DGKB: variants seen among roughly 807,000 people sequenced by gnomAD.
DGKB encodes diacylglycerol kinase beta.
In DGKB, 67 loss-of-function variants were observed where a neutral mutation model predicts 114.3. The observed-to-expected ratio is 0.59, with a 90% CI of 0.48 to 0.72. The LOEUF is 0.72. Ranked by LOEUF, DGKB falls within the 30% of genes least tolerant of loss-of-function variation. The pLI, the probability that DGKB is intolerant of heterozygous loss-of-function variation, is 0.00. For missense variants in DGKB, 907 were observed against 975.2 expected (o/e 0.93, Z 0.93); for synonymous variants, 398 against 323.1 (o/e 1.23, Z -2.49).
intron 21 of DGKB, among the ~76,000 whole-genome samples, chr7:14,410,688 T>C (rs908519684): frequency 1.3e-5 from 2 of 152,030 alleles, no homozygotes; most frequent in African/African-American, 2.4e-5. Flanking sequence ...TTAAAAGAAA[T>C]TTGACAAAAT....
In DGKB at chr7:14,151,920, A is replaced by G. The variant is rs1434710586; in HGVS notation, c.2305-2682T>C. Among the ~76,000 whole-genome samples the G allele has an allele frequency of 3.9e-5, 6 of 152,006 alleles. 1 individual carries two copies. Among genetic ancestry groups the G allele is most frequent in the Non-Finnish European group, 8.8e-5 (6 of 67,986 alleles). ...GCAGAAGCAAAATCCTACGAGAGTA[A>G]TTCCAAGCCACATGGATTGTCGGTG... On this transcript the variant is annotated intron_variant, in intron 25 of 25. Coordinates refer to ENST00000402815, the MANE Select transcript of DGKB (RefSeq NM_001350709.2).
chr7:14,237,220 A>C (rs1052901674), intron 23 of DGKB, among the ~76,000 whole-genome samples: 2 of 152,038 alleles, frequency 1.3e-5, no homozygotes, highest in South Asian at 4.1e-4. Context: ...ATGCATATAT[A>C]TTATTTATGT....
intron 4 of DGKB, among the ~76,000 whole-genome samples, chr7:14,742,718 T>A (rs1173365977): frequency 2.6e-5 from 4 of 152,178 alleles, no homozygotes; most frequent in African/African-American, 9.7e-5. Flanking sequence ...CTTATCAGAT[T>A]TTACATTAAA....
intron 2 of DGKB, among the ~76,000 whole-genome samples, chr7:14,829,519 T>C (rs528680805): frequency 3.0e-4 from 46 of 152,220 alleles, no homozygotes; most frequent in Non-Finnish European, 6.0e-4. Flanking sequence ...TTTTGCGAAA[T>C]GTAGACTCAG....
rs73067820 is a variant in DGKB, at chr7:14,216,250, G to T, written c.2123-38099C>A. Among the ~76,000 whole-genome samples the T allele has an allele frequency of 1.4e-3, 212 of 152,184 alleles. 1 individual carries two copies. The highest frequency in any genetic ancestry group is 2.6e-3 in the Non-Finnish European group (176 of 67,998). On this transcript the variant is annotated intron_variant, in intron 23 of 25. Transcript: ENST00000402815. ...GGACAGAAGTGGAGATAAGGAATGTGGTTAGAGAAGAAATAAAATGACACT... is the reference window on the plus strand; with the variant it reads ...GGACAGAAGTGGAGATAAGGAATGTTGTTAGAGAAGAAATAAAATGACACT...
intron 21 of DGKB, among the ~76,000 whole-genome samples, chr7:14,390,054 T>G (rs1209047381): frequency 6.6e-6 from 1 of 152,048 alleles, no homozygotes; most frequent in Admixed American, 6.6e-5. Flanking sequence ...AAACCCTAAG[T>G]AAGGGTGAGG....
intron 12 of DGKB, among the ~76,000 whole-genome samples, chr7:14,677,766 G>A (rs141044795): frequency 7.1e-4 from 108 of 152,094 alleles, no homozygotes; most frequent in African/African-American, 2.3e-3. Flanking sequence ...GAGAACTGAG[G>A]TGAATATTTT....
At chr7:14,828,064 G>T (rs1232823696) in intron 2 of DGKB, among the ~76,000 whole-genome samples, 1 of 152,080 alleles carries the variant, frequency 6.6e-6, no homozygotes, top group Non-Finnish European at 1.5e-5. Context: ...TAAATCTTCA[G>T]TAGTTTAGAA....
intron 23 of DGKB, among the ~76,000 whole-genome samples, chr7:14,320,514 C>G (rs951560760): frequency 5.3e-5 from 8 of 151,766 alleles, no homozygotes; most frequent in Non-Finnish European, 1.2e-4. Flanking sequence ...ATCTTTTCCA[C>G]ATATATATAT....
chr7:14,487,554 C>A (rs1186854445), intron 20 of DGKB, among the ~76,000 whole-genome samples: 2 of 150,920 alleles, frequency 1.3e-5, no homozygotes, highest in African/African-American at 4.9e-5. Flanking sequence ...CCATTTTACT[C>A]CAAAAAGTCA....
At chr7:14,408,224 T>C (rs1824267183) in intron 21 of DGKB, among the ~76,000 whole-genome samples, 1 of 152,110 alleles carries the variant, frequency 6.6e-6, no homozygotes, top group Non-Finnish European at 1.5e-5. Context: ...TGTGATTGAT[T>C]GGGATTTTAT....
intron 23 of DGKB, among the ~76,000 whole-genome samples, chr7:14,246,387 C>A (rs1169483749): frequency 2.0e-5 from 3 of 152,042 alleles, no homozygotes; most frequent in African/African-American, 7.2e-5. Flanking sequence ...TATCACACAG[C>A]TGGTAAGTGA....
At chr7:14,641,925 T>G (rs768638715) in intron 13 of DGKB, among the ~76,000 whole-genome samples, 1 of 152,098 alleles carries the variant, frequency 6.6e-6, no homozygotes, top group Non-Finnish European at 1.5e-5. Flanking sequence ...ATAAATTAAT[T>G]TGAAGTGACG....
At chr7:14,754,070 T>C in intron 3 of DGKB, 122 bp from the exon 4 acceptor site, 1 of 652,506 alleles carries the variant, frequency 1.5e-6, no homozygotes, top group Non-Finnish European at 2.7e-6. Context: ...AAACACACCC[T>C]AGATCCATAG....
chr7:14,233,720 C>G (rs1036442824), intron 23 of DGKB, among the ~76,000 whole-genome samples: 4 of 152,012 alleles, frequency 2.6e-5, no homozygotes, highest in African/African-American at 9.7e-5. Context: ...GGGAAATTAT[C>G]TGCATCATTG....
intron 2 of DGKB, among the ~76,000 whole-genome samples, chr7:14,799,017 C>T (rs1841789503): frequency 6.6e-6 from 1 of 152,188 alleles, no homozygotes; most frequent in Admixed American, 6.5e-5. Flanking sequence ...GTGGCAATTC[C>T]CACCATATCC....
chr7:14,442,611 A>G (rs2128815290), intron 21 of DGKB, among the ~76,000 whole-genome samples: 1 of 152,312 alleles, frequency 6.6e-6, no homozygotes, highest in Non-Finnish European at 1.5e-5. Context: ...AATTGTTTGC[A>G]GATATAAATT....
At chr7:14,283,452 A>G (rs1400250745) in intron 23 of DGKB, among the ~76,000 whole-genome samples, 1 of 151,220 alleles carries the variant, frequency 6.6e-6, no homozygotes, top group Non-Finnish European at 1.5e-5. Flanking sequence ...GGTAATTTAC[A>G]GATTCAATGC....
chr7:14,865,508 C>A (rs1166448401), intron 1 of DGKB, among the ~76,000 whole-genome samples: 3 of 152,240 alleles, frequency 2.0e-5, no homozygotes, highest in Non-Finnish European at 2.9e-5. Flanking sequence ...ATTGTTAAAA[C>A]TTCTCTTTAC....
Sources: gnomAD v4.1 joint callset for allele counts (sites outside exome capture counted in the v4.1 genomes callset) on GRCh38, gnomAD v4.1.1 for gene constraint, MANE v1.5 for transcripts, NCBI Gene and HGNC (gene_info 2026-07-23, HGNC 2026-07-21) for gene names.